Variants in ENO4 observed in about 807,000 individuals in gnomAD.
ENO4 encodes enolase 4.
Under a neutral mutation model 63.2 loss-of-function variants are expected in ENO4, and 53 were observed. The ratio of observed to expected loss-of-function variants is 0.84; its 90% confidence interval spans 0.67 to 1.05. ENO4 has a LOEUF of 1.05. Among genes scored for constraint, ENO4 ranks in the 50% least tolerant of loss-of-function variants. The pLI is 0.00. For synonymous variants in ENO4, 266 were observed against 283.8 expected, an observed-to-expected ratio of 0.94 and a Z score of 0.63; for missense variants, 719 against 772.0, an observed-to-expected ratio of 0.93 and a Z score of 0.81.
rs908762862 is a variant in ENO4 at position 116,874,078 on chromosome 10, TAAAGG to T, written c.1223_1227del (p.Gly408ValfsTer2). The T allele has an allele frequency of 1.9e-6, 3 of 1,543,190 alleles. No individual in the cohort carries two copies. The African/African-American group carries it at 4.1e-5, about 21-fold the overall frequency. On this transcript the variant is annotated frameshift_variant, in exon 10 of 14. Coordinates refer to ENST00000341276, the MANE Select transcript of ENO4 (RefSeq NM_001242699.2). LOFTEE classifies it high-confidence loss of function. ...AATATTTTCCTGACACATATCAGAA[TAAAGG>T]AAAGTATGAAGTGATCATGGGCACA...
rs1051926130 is a variant in ENO4, at chr10:116,856,594, A to G, written c.397A>G (p.Thr133Ala). The G allele has an allele frequency of 8.5e-6, 13 of 1,536,060 alleles. No individual in the cohort carries two copies. The African/African-American group carries it at 1.6e-4, about 19-fold the overall frequency. ...GGCAGAGAGGGCCAGCGCGGTGAGC[A>G]CCGCCGTGCAGTGGGTCAACAGCAC... ...EEAERASAVS[T>A]AVQWVNSTIT... Residue 133 changes from threonine to alanine, a missense_variant, in exon 3 of 14, where the codon ACC (threonine) becomes GCC (alanine). By Grantham distance (58) the Thr-to-Ala change is moderately conservative. Transcript: ENST00000341276.
At chr10:116,904,092 G>A (rs910092432) in intron 10 of ENO4, among the ~76,000 whole-genome samples, 1 of 152,122 alleles carries the variant, frequency 6.6e-6, no homozygotes, top group Non-Finnish European at 1.5e-5. Flanking sequence ...AAACTCTCAG[G>A]CTGTCTCTCT....
chr10:116,861,121 A>T lies in ENO4; in HGVS notation c.867A>T (p.Ser289=). 6.5e-7 allele frequency: 1 copy of T among 1,548,750 alleles called. No individual in the cohort carries two copies. Among genetic ancestry groups the T allele is most frequent in the Non-Finnish European group, 8.7e-7 (1 of 1,145,890 alleles). Residue 289 remains serine, a synonymous_variant, in exon 6 of 14, where the codon TCA becomes TCT. Coordinates refer to ENST00000341276, the MANE Select transcript of ENO4 (RefSeq NM_001242699.2). ...LMVSLVSCGK[S]SSGKLNLMKE... is the part of the protein sequence containing the mutation. ...TATCGCTGGTCAGCTGTGGGAAGTCATCATCTGGGAAGCTAAATTTAATGA... is the reference window on the plus strand; with the variant it reads ...TATCGCTGGTCAGCTGTGGGAAGTCTTCATCTGGGAAGCTAAATTTAATGA...
chr10:116,855,538 A>T, intron 1 of ENO4, 85 bp from the exon 2 acceptor site: 1 of 1,485,420 alleles, frequency 6.7e-7, no homozygotes, highest in Non-Finnish European at 9.1e-7. Flanking sequence ...GACCTTTTGA[A>T]GATAAAGTAG....
At chr10:116,901,701 A>AAC (rs1265813488) in intron 10 of ENO4, 2 of 1,422,718 alleles carry the variant, frequency 1.4e-6, no homozygotes, top group African/African-American at 3.0e-5. Flanking sequence ...AAATCAAAGA[A>AAC]ACACACAAGT....
At chr10:116,891,879 G>A (rs973550667) in intron 10 of ENO4, among the ~76,000 whole-genome samples, 2 of 151,900 alleles carry the variant, frequency 1.3e-5, no homozygotes, top group African/African-American at 4.8e-5. Flanking sequence ...TTTTGTTTTG[G>A]GTACTTTTTC....
At chr10:116,890,769 G>T (rs1225889574) in intron 10 of ENO4, among the ~76,000 whole-genome samples, 1 of 152,220 alleles carries the variant, frequency 6.6e-6, no homozygotes, top group Non-Finnish European at 1.5e-5. Context: ...CTAGTAAAAG[G>T]AAAGACCTGA....
chr10:116,870,069 CTTTG>C (rs768777338), intron 8 of ENO4, among the ~76,000 whole-genome samples: 6 of 152,154 alleles, frequency 3.9e-5, no homozygotes, highest in Non-Finnish European at 5.9e-5. Flanking sequence ...CCAACTATTG[CTTTG>C]TTTGCCAAAT....
chr10:116,873,638 G>T (rs1036166554), intron 9 of ENO4, among the ~76,000 whole-genome samples: 2 of 152,210 alleles, frequency 1.3e-5, no homozygotes, highest in Admixed American at 6.5e-5. Context: ...TCAAGCGTTA[G>T]AGTATTTACA....
In ENO4 at chr10:116,881,505, C is replaced by A; in HGVS notation, c.1724-10C>A. ...GATTAGACAGTAAACTTTATTGTTACTTTAAATAGGTTTCAAAGAAGAACA... is the reference window on the plus strand; with the variant it reads ...GATTAGACAGTAAACTTTATTGTTAATTTAAATAGGTTTCAAAGAAGAACA... On this transcript the variant is annotated splice_polypyrimidine_tract_variant and intron_variant, in intron 13 of 13. Transcript: ENST00000341276. 1.3e-6 allele frequency: 2 copies of A among 1,531,094 alleles called. No individual in the cohort carries two copies. Among genetic ancestry groups the A allele is most frequent in the Non-Finnish European group, 1.8e-6 (2 of 1,139,242 alleles). 94.8% of individuals were successfully genotyped at this position (1,531,094 alleles called of 1,614,324 possible).
intron 11 of ENO4, 55 bp downstream of exon 11, chr10:116,876,315 CA>C (rs931137437): frequency 7.8e-7 from 1 of 1,283,064 alleles, no homozygotes; most frequent in Non-Finnish European, 1.1e-6. Flanking sequence ...TACAAGAAAC[CA>C]AAAATACACA....
At chr10:116,859,166 C>A in intron 4 of ENO4, 28 bp downstream of exon 4, 2 of 1,501,220 alleles carry the variant, frequency 1.3e-6, no homozygotes, top group South Asian at 2.6e-5. Context: ...CTTGCAGAGT[C>A]GTTAGTAACA....
chr10:116,892,039 T>G (rs888045395), intron 10 of ENO4, among the ~76,000 whole-genome samples: 2 of 152,200 alleles, frequency 1.3e-5, no homozygotes, highest in South Asian at 4.1e-4. Flanking sequence ...GATGCTGATT[T>G]GCTCTCAACA....
At position 116,871,213 on chromosome 10, in the gene ENO4, T is replaced by C; in HGVS notation, c.1136T>C (p.Ile379Thr). The C allele has an allele frequency of 1.3e-6, 2 of 1,550,518 alleles. No individual in the cohort carries two copies. Among genetic ancestry groups the C allele is most frequent in the Non-Finnish European group, 1.7e-6 (2 of 1,146,976 alleles). ...CAGCCACTGCTTCTAATACAGGAAA[T>C]CTGTGCCAACCTGGGGCTAGAACTG... ...IEQPLLLIQE[I>T]CANLGLELGT... is the part of the protein sequence containing the mutation. The change falls in exon 9 of 14, where the codon ATC becomes ACC. Residue 379 changes from isoleucine (I) to threonine (T), a missense_variant. Ile to Thr is a moderately conservative substitution (Grantham distance 89). Coordinates refer to ENST00000341276, the MANE Select transcript of ENO4 (RefSeq NM_001242699.2).
chr10:116,901,624 T>A lies in ENO4; in HGVS notation c.1195-9875T>A, dbSNP rs1847739954. The stretch of plus-strand genomic sequence containing the variant: ...AGCTAGGAGCCTAGAATGAAAAAGC[T>A]GGCCCATCAAATGAAAAGAAGAAGA... On this transcript the variant is annotated intron_variant, in intron 10 of 10. Transcript: ENST00000369207. 2.2e-6 allele frequency: 3 copies of A among 1,362,132 alleles called. No homozygotes were observed. The South Asian group carries it at 6.0e-5, about 27-fold the overall frequency. The allele number at this position is 1,362,132 out of a possible 1,614,324, so 84.4% of individuals were successfully genotyped here.
chr10:116,905,183 T>G (rs1589793152), intron 10 of ENO4, among the ~76,000 whole-genome samples: 1 of 127,278 alleles, frequency 7.9e-6, no homozygotes, highest in African/African-American at 3.1e-5. Context: ...CAGTCCAGCC[T>G]GGGCGACAGA....
At chr10:116,890,629 A>T (rs1847312275) in intron 10 of ENO4, among the ~76,000 whole-genome samples, 1 of 152,246 alleles carries the variant, frequency 6.6e-6, no homozygotes, top group African/African-American at 2.4e-5. Context: ...GCTACGAGAA[A>T]TATACCAAGT....
chr10:116,855,690 A>G lies in ENO4; in HGVS notation c.233A>G (p.Asp78Gly). 6.5e-7 allele frequency: 1 copy of G among 1,536,516 alleles called. No homozygotes were observed. Among genetic ancestry groups the G allele is most frequent in the South Asian group, 1.2e-5 (1 of 84,052 alleles). Residue 78 changes from aspartate (D) to glycine (G), a missense_variant, in exon 2 of 14, where the codon GAT (aspartate) becomes GGT (glycine). By Grantham distance (94) the Asp-to-Gly change is moderately conservative. Around this residue, in one of 3 missense-constraint regions of ENO4, gnomAD observed 544 missense variants for 583.6 expected, o/e 0.93. Transcript: ENST00000341276. ...AAAATAGTGGGGAAAGACGTACTAGATGGACTGGGGCTTCCAACCCTGCAA... is the reference window on the plus strand; with the variant it reads ...AAAATAGTGGGGAAAGACGTACTAGGTGGACTGGGGCTTCCAACCCTGCAA... ...ICKIVGKDVLDGLGLPTLQVD... is the reference protein window; with the variant it reads ...ICKIVGKDVLGGLGLPTLQVD...
chr10:116,863,091 T>A (rs1051370191), intron 7 of ENO4, among the ~76,000 whole-genome samples: 1 of 152,206 alleles, frequency 6.6e-6, no homozygotes, highest in Non-Finnish European at 1.5e-5. Flanking sequence ...GCTAAGATCA[T>A]CCCTTAGGAT....
Sources: allele counts gnomAD v4.1 joint callset (sites outside exome capture counted in the v4.1 genomes callset), GRCh38; gene constraint gnomAD v4.1.1; regional missense constraint gnomAD v4.1.1; transcripts MANE v1.5; gene names NCBI Gene and HGNC (gene_info 2026-07-23, HGNC 2026-07-21).